The following GBP3 variants were observed in gnomAD, a reference collection of about 807,000 sequenced individuals.
GBP3 encodes the protein guanylate binding protein 3.
GBP3 carries 55 observed loss-of-function variants against 62.4 expected under a neutral mutation model. The ratio of observed to expected loss-of-function variants is 0.88; its 90% CI spans 0.71 to 1.10. The LOEUF (loss-of-function observed/expected upper bound fraction) is 1.10, where lower values mean the gene tolerates loss of function less well. Among genes scored for constraint, GBP3 ranks in the 50% least tolerant of loss-of-function variants. GBP3 has a pLI of 0.00. For synonymous variants in GBP3, 208 were observed against 259.2 expected, an observed-to-expected ratio of 0.80 and a Z score of 1.90; for missense variants, 605 against 690.6, an observed-to-expected ratio of 0.88 and a Z score of 1.39.
Position 89,020,544 on chromosome 1 carries a change from C to T in GBP3, c.178G>A (p.Gly60Arg). ...TCATGCCACTCACCCTTATTCTTCC[C>T]AGCTAGCTTGTTCATCAGGTAGGAT... The part of the protein sequence containing the change: ...GKSYLMNKLA[G>R]KNKGFSLGST... Residue 60 changes from glycine to arginine, a missense_variant, in exon 2 of 11, where the codon GGG becomes AGG. Physicochemically the swap from Gly to Arg is moderately radical, Grantham distance 125 (BLOSUM62 -2). Around this residue, in one of 3 missense-constraint regions of GBP3, gnomAD observed 308 missense variants for 318.0 expected, o/e 0.97. Coordinates refer to ENST00000370481, the MANE Select transcript of GBP3 (RefSeq NM_018284.3). The T allele has an allele frequency of 1.9e-6, 3 of 1,614,134 alleles. No homozygotes were observed. Among genetic ancestry groups the T allele is most frequent in the Non-Finnish European group, 2.5e-6 (3 of 1,180,002 alleles).
At chr1:89,014,013 A>G in intron 5 of GBP3, 70 bp downstream of exon 5, 2 of 1,481,400 alleles carry the variant, frequency 1.4e-6, no homozygotes, top group East Asian at 2.3e-5. Flanking sequence ...AAAACTATCA[A>G]TAGTAAACTA....
rs376265267 is a variant in GBP3 at position 89,011,725 on chromosome 1, G to C, written c.1149+22C>G. 7.1e-5 allele frequency: 104 copies of C among 1,461,256 alleles called. 25 individuals carry two copies. Among genetic ancestry groups the C allele is most frequent in the Non-Finnish European group, 9.2e-5 (97 of 1,054,654 alleles). 90.5% of individuals were successfully genotyped at this position (1,461,256 alleles called of 1,614,324 possible). ...TTTGCCTTCCAAAATCCAAATCCAT[G>C]TAAATGTGATAGAAAAATTACCGCT... On this transcript the variant is annotated intron_variant, in intron 7 of 10. Transcript: ENST00000370481.
At chr1:89,018,841 C>T (rs1410561545) in intron 2 of GBP3, among the ~76,000 whole-genome samples, 1 of 152,184 alleles carries the variant, frequency 6.6e-6, no homozygotes, top group Non-Finnish European at 1.5e-5. Context: ...GGCTGTGACC[C>T]CCCTGGACCC....
rs1271092033 is a variant in GBP3 at position 89,010,506 on chromosome 1, G to A, written c.1362+398C>T. ...GCAATCTTGGCTCACTGAACCTCCCGGGCTCAAGCAATTCTCCTGCCTCAG... is the reference window on the plus strand; with the variant it reads ...GCAATCTTGGCTCACTGAACCTCCCAGGCTCAAGCAATTCTCCTGCCTCAG... On this transcript the variant is annotated intron_variant, in intron 8 of 10. Transcript: ENST00000370481. 5.8e-5 allele frequency among the ~76,000 whole-genome samples: 8 copies of A among 137,930 alleles called. 3 individuals are homozygous for A. Among genetic ancestry groups the A allele is most frequent in the African/African-American group, 5.0e-5 (2 of 40,296 alleles). 90.5% of individuals were successfully genotyped at this position (137,930 alleles called of 152,430 possible).
chr1:89,021,185 C>T (rs1437061071), intron 1 of GBP3, among the ~76,000 whole-genome samples: 1 of 152,084 alleles, frequency 6.6e-6, no homozygotes, highest in Non-Finnish European at 1.5e-5. Context: ...AGGACAATTT[C>T]CAGAGATTTA....
rs549380651 is a variant in GBP3 at position 89,007,842 on chromosome 1, C to T, written c.1670G>A (p.Arg557Gln). The T allele has an allele frequency of 3.0e-5, 48 of 1,610,976 alleles. No homozygotes were observed. The highest frequency in any genetic ancestry group is 1.9e-4 in the African/African-American group (14 of 74,746). Reference protein sequence around the residue: ...TLTSKLQEQARVLKERCQGES... With the variant: ...TLTSKLQEQAQVLKERCQGES... ...ACCTTGGCATCTCTCCTTTAGTACT[C>T]GGGCCTGTTCCTAAAAAGGGACAAA... Residue 557 changes from arginine to glutamine, a missense_variant, in exon 11 of 11, where the codon CGA becomes CAA. Physicochemically the swap from Arg to Gln is conservative, Grantham distance 43. This residue lies in a region of GBP3 where 160 missense variants were observed against 147.8 expected (regional missense o/e 1.08). Coordinates refer to ENST00000370481, the MANE Select transcript of GBP3 (RefSeq NM_018284.3).
rs377007690 is a variant in GBP3 at position 89,015,316 on chromosome 1, C to T, written c.289G>A (p.Asp97Asn). The T allele has an allele frequency of 1.2e-6, 2 of 1,612,148 alleles. No homozygotes were observed. The highest frequency in any genetic ancestry group is 2.7e-5 in the African/African-American group (2 of 74,900). Reference protein sequence around the residue: ...KKPEHTLVLLDTEGLGDVKKG... With the variant: ...KKPEHTLVLLNTEGLGDVKKG... ...TTTACATCTCCCAGGCCCTCAGTGTCAAGCAGGACTAAGGTGTGTTCTGGC... is the reference window on the plus strand; with the variant it reads ...TTTACATCTCCCAGGCCCTCAGTGTTAAGCAGGACTAAGGTGTGTTCTGGC... The change falls in exon 3 of 11, where the codon GAC becomes AAC. Residue 97 changes from aspartate (D) to asparagine (N), a missense_variant. Around this residue, in one of 3 missense-constraint regions of GBP3, gnomAD observed 308 missense variants for 318.0 expected, o/e 0.97. Coordinates refer to ENST00000370481, the MANE Select transcript of GBP3 (RefSeq NM_018284.3).
At chr1:89,017,634 A>G (rs547390010) in intron 2 of GBP3, among the ~76,000 whole-genome samples, 1 of 152,362 alleles carries the variant, frequency 6.6e-6, no homozygotes, top group East Asian at 1.9e-4. Context: ...AACAGATTAA[A>G]AAGTAAAGAA....
In GBP3 at chr1:89,022,507, A is replaced by G. The variant is rs191226036; in HGVS notation, c.-23+177T>C. ...CCATGGTACTTCTGATAACACCATGATTTTATCTGACCTGTGTCTCACATC... is the reference window on the plus strand; with the variant it reads ...CCATGGTACTTCTGATAACACCATGGTTTTATCTGACCTGTGTCTCACATC... On this transcript the variant is annotated intron_variant, in intron 1 of 10. Coordinates refer to ENST00000370481, the MANE Select transcript of GBP3 (RefSeq NM_018284.3). Among the ~76,000 whole-genome samples, 7 of 152,260 alleles carry G rather than the reference A, an allele frequency of 4.6e-5. No homozygotes were observed. In the East Asian group the frequency reaches 1.3e-3, roughly 29 times the overall value.
chr1:89,021,546 C>CACACACA (rs1557734773), intron 1 of GBP3, among the ~76,000 whole-genome samples: 43 of 85,924 alleles, frequency 5.0e-4, no homozygotes, highest in African/African-American at 1.6e-3. Flanking sequence ...ACACACACAC[C>CACACACA]CCAAAAAAAC....
At chr1:89,021,518 A>G (rs1429464546) in intron 1 of GBP3, among the ~76,000 whole-genome samples, 21 of 131,082 alleles carry the variant, frequency 1.6e-4, no homozygotes, top group African/African-American at 5.4e-4. Context: ...GCGCACACAC[A>G]CACACACACA....
intron 8 of GBP3, among the ~76,000 whole-genome samples, chr1:89,010,304 T>C (rs542793578): frequency 7.3e-6 from 1 of 137,744 alleles, no homozygotes; most frequent in East Asian, 2.1e-4. Context: ...GTATTTTTAG[T>C]AGAGACGGGG....
At chr1:89,015,782 A>G (rs1678858169) in intron 2 of GBP3, among the ~76,000 whole-genome samples, 2 of 151,094 alleles carry the variant, frequency 1.3e-5, no homozygotes, top group Non-Finnish European at 3.0e-5. Flanking sequence ...ATAGAGAAAC[A>G]GAAAAAAATT....
In GBP3 at chr1:89,007,735, G is replaced by C; in HGVS notation, c.1777C>G (p.Leu593Val). The C allele has an allele frequency of 1.9e-6, 3 of 1,611,774 alleles. No individual in the cohort carries two copies. The highest frequency in any genetic ancestry group is 2.5e-6 in the Non-Finnish European group (3 of 1,179,228). Reference sequence around the variant, plus strand: ...AAAAGCTCTGTTGTTTAGATCTTTAGCTTATGCGACATATATCTCTTGGTT... The same window carrying C: ...AAAAGCTCTGTTGTTTAGATCTTTACCTTATGCGACATATATCTCTTGGTT... The part of the protein sequence containing the change: ...KKTKRYMSHK[L>V]KI Residue 593 changes from leucine (L) to valine (V), a missense_variant, in exon 11 of 11, where the codon CTA (leucine) becomes GTA (valine). Leu to Val is a conservative substitution (Grantham distance 32). Transcript: ENST00000370481.
Position 89,013,290 on chromosome 1 carries a change from C to T in GBP3, c.763G>A (p.Glu255Lys), listed in dbSNP as rs12118276. 6.2e-7 allele frequency: 1 copy of T among 1,614,216 alleles called. No individual in the cohort carries two copies. Among genetic ancestry groups the T allele is most frequent in the Non-Finnish European group, 8.5e-7 (1 of 1,180,040 alleles). The change falls in exon 6 of 11, where the codon GAG (glutamate) becomes AAG (lysine). Residue 255 changes from glutamate (E) to lysine (K), a missense_variant. By Grantham distance (56) the Glu-to-Lys change is moderately conservative. Coordinates refer to ENST00000370481, the MANE Select transcript of GBP3 (RefSeq NM_018284.3). The stretch of plus-strand genomic sequence containing the variant: ...TGTTGCACAAATTCAGGGTCCAGCT[C>T]TTCATCTTGTAGTTTCTCAAGCTGG... ...LAQLEKLQDE[E>K]LDPEFVQQVA...
chr1:89,006,910 CTT>C lies in GBP3; in HGVS notation c.*812_*813del, dbSNP rs1678246969. The C allele has an allele frequency of 6.6e-6, 1 of 152,198 alleles. No homozygotes were observed. The highest frequency in any genetic ancestry group is 6.5e-5 in the Admixed American group (1 of 15,278). The allele number at this position is 152,198 out of a possible 1,614,324, so 9.4% of individuals were successfully genotyped here. A position where few individuals can be genotyped will look rare whatever the true frequency, so the allele number is the denominator to read the frequency against. On this transcript the variant is annotated 3_prime_UTR_variant, in exon 11 of 11. Transcript: ENST00000370481. ...CCTTTAAGAATCAGGAAAAGACTAA[CTT>C]ATGCTTTAGGATTAAAACAATCAAA... is the stretch of plus-strand genomic sequence containing the variant.
intron 1 of GBP3, 111 bp from the exon 2 acceptor site, chr1:89,020,854 G>C: frequency 1.2e-6 from 1 of 809,034 alleles, no homozygotes; most frequent in Admixed American, 2.7e-5. Flanking sequence ...CAGTGAGAGA[G>C]ATGAGGGAAA....
intron 8 of GBP3, among the ~76,000 whole-genome samples, chr1:89,010,053 G>A (rs1445264190): frequency 2.6e-5 from 4 of 152,004 alleles, no homozygotes; most frequent in Admixed American, 6.5e-5. Context: ...TGACAACAAC[G>A]TGGTGGTTAA....
At chr1:89,009,614 G>A in intron 8 of GBP3, 120 bp from the exon 9 acceptor site, 1 of 1,418,302 alleles carries the variant, frequency 7.1e-7, no homozygotes, top group East Asian at 2.4e-5. Flanking sequence ...TGTGCCTGGT[G>A]GTCAAGATTC....
Sources: allele counts gnomAD v4.1 joint callset (sites outside exome capture counted in the v4.1 genomes callset), GRCh38; gene constraint gnomAD v4.1.1; regional missense constraint gnomAD v4.1.1; transcripts MANE v1.5; gene names NCBI Gene and HGNC (gene_info 2026-07-23, HGNC 2026-07-21).